The following XRRA1 variants were observed in gnomAD, a reference collection of about 807,000 sequenced individuals.
XRRA1 encodes the protein X-ray radiation resistance-associated protein 1.
XRRA1 carries 69 observed loss-of-function variants against 80.2 expected under a neutral mutation model. The observed-to-expected ratio is 0.86, with a 90% CI of 0.71 to 1.05. The LOEUF is 1.05. Ranked by LOEUF, XRRA1 falls within the 50% of genes least tolerant of loss-of-function variation. XRRA1 has a pLI of 0.00. For missense variants in XRRA1, 967 were observed against 976.4 expected, an observed-to-expected ratio of 0.99 and a Z score of 0.13; for synonymous variants, 348 against 389.9, an observed-to-expected ratio of 0.89 and a Z score of 1.27.
At chr11:74,902,409 T>C (rs1376175680) in intron 10 of XRRA1, among the ~76,000 whole-genome samples, 1 of 152,192 alleles carries the variant, frequency 6.6e-6, no homozygotes, top group East Asian at 1.9e-4. Flanking sequence ...GCAATCCCAA[T>C]GCTGAGTATA....
At chr11:74,892,191 C>T (rs1039836346) in intron 10 of XRRA1, among the ~76,000 whole-genome samples, 113 of 151,916 alleles carry the variant, frequency 7.4e-4, no homozygotes, top group East Asian at 6.4e-3. Flanking sequence ...AGCATGGTAC[C>T]GGTACCAAAA....
intron 7 of XRRA1, among the ~76,000 whole-genome samples, chr11:74,922,414 C>G (rs539767227): frequency 6.6e-6 from 1 of 152,068 alleles, no homozygotes; most frequent in Non-Finnish European, 1.5e-5. Flanking sequence ...GTCAGAAAAC[C>G]GTGTTTCTCT....
chr11:74,862,233 A>G (rs1215895700), intron 11 of XRRA1, among the ~76,000 whole-genome samples: 3 of 152,244 alleles, frequency 2.0e-5, no homozygotes, highest in Non-Finnish European at 4.4e-5. Flanking sequence ...ATGCAGCTGT[A>G]TAAGTGAGCC....
At chr11:74,930,488 G>A in intron 5 of XRRA1, 116 bp from the exon 6 acceptor site, 1 of 769,260 alleles carries the variant, frequency 1.3e-6, no homozygotes, top group East Asian at 2.7e-5. Flanking sequence ...AAGGAATAAG[G>A]GACATCCCTA....
chr11:74,872,522 C>T (rs536192846), intron 10 of XRRA1, among the ~76,000 whole-genome samples: 26 of 152,216 alleles, frequency 1.7e-4, no homozygotes, highest in African/African-American at 5.1e-4. Context: ...GTCCAGGATC[C>T]CCAAGGTGTA....
chr11:74,884,091 CA>C (rs1315296058), intron 10 of XRRA1, among the ~76,000 whole-genome samples: 2 of 151,990 alleles, frequency 1.3e-5, no homozygotes, highest in Non-Finnish European at 2.9e-5. Context: ...TCCAGCTACT[CA>C]GGGGGCTGAG....
chr11:74,883,517 C>T lies in XRRA1; in HGVS notation c.1004-20496G>A, dbSNP rs544297141. Among the ~76,000 whole-genome samples, 48 of 152,224 alleles carry T rather than the reference C, an allele frequency of 3.2e-4. No homozygotes were observed. The South Asian group carries it at 1.0e-2, about 32-fold the overall frequency. On this transcript the variant is annotated intron_variant, in intron 10 of 18. Coordinates refer to ENST00000684022, the MANE Select transcript of XRRA1 (RefSeq NM_001378157.1). Reference sequence around the variant, plus strand: ...GCTGTAGACCGGAGCTGTTCCTATTCGGCCATCTTGGCTCCCAGCGGGATT... The same window carrying T: ...GCTGTAGACCGGAGCTGTTCCTATTTGGCCATCTTGGCTCCCAGCGGGATT...
At chr11:74,889,467 T>G (rs372502025) in intron 10 of XRRA1, among the ~76,000 whole-genome samples, 9 of 152,126 alleles carry the variant, frequency 5.9e-5, no homozygotes, top group Non-Finnish European at 1.2e-4. Flanking sequence ...TTGTAAAGAC[T>G]ATCGAGGCTA....
intron 10 of XRRA1, among the ~76,000 whole-genome samples, chr11:74,895,177 G>C (rs1442255531): frequency 6.6e-6 from 1 of 152,250 alleles, no homozygotes; most frequent in Non-Finnish European, 1.5e-5. Context: ...AGGAGAGACA[G>C]TCTTAAATCA....
chr11:74,900,070 C>G (rs1440602643), intron 10 of XRRA1, among the ~76,000 whole-genome samples: 2 of 151,826 alleles, frequency 1.3e-5, no homozygotes, highest in African/African-American at 4.8e-5. Flanking sequence ...CAGGCTGAGG[C>G]AGGAGAATCT....
At chr11:74,869,786 G>A (rs1306797582) in intron 10 of XRRA1, among the ~76,000 whole-genome samples, 1 of 152,016 alleles carries the variant, frequency 6.6e-6, no homozygotes, top group Non-Finnish European at 1.5e-5. Flanking sequence ...TCCTCATCAG[G>A]CACCTATAAG....
At chr11:74,908,019 A>T (rs190596258) in intron 8 of XRRA1, among the ~76,000 whole-genome samples, 171 of 152,298 alleles carry the variant, frequency 1.1e-3, no homozygotes, top group African/African-American at 4.0e-3. Context: ...CCACACAGGC[A>T]GATGACACAA....
At chr11:74,843,744 G>C (rs150848959) in intron 18 of XRRA1, 110 bp downstream of exon 18, 31 of 990,488 alleles carry the variant, frequency 3.1e-5, no homozygotes, top group Admixed American at 4.4e-5. Context: ...GACTGATGTA[G>C]GCAGTTGCTC....
chr11:74,940,353 A>C (rs563143784), intron 3 of XRRA1, among the ~76,000 whole-genome samples: 1 of 152,346 alleles, frequency 6.6e-6, no homozygotes, highest in South Asian at 2.1e-4. Flanking sequence ...CCTGAGGACT[A>C]GGGTAGTCAG....
intron 3 of XRRA1, among the ~76,000 whole-genome samples, chr11:74,937,775 A>G (rs1298659311): frequency 6.6e-6 from 1 of 152,184 alleles, no homozygotes; most frequent in East Asian, 1.9e-4. Context: ...TATTCATTGC[A>G]ATCTGTAATT....
At chr11:74,925,740 C>T (rs1419873752) in intron 7 of XRRA1, among the ~76,000 whole-genome samples, 1 of 152,182 alleles carries the variant, frequency 6.6e-6, no homozygotes, top group African/African-American at 2.4e-5. Flanking sequence ...CCAAGCTAGT[C>T]AGTTGTGGGG....
rs115792274 is a variant in XRRA1, at chr11:74,941,472, C to A, written c.-4-590G>T. Among the ~76,000 whole-genome samples the A allele has an allele frequency of 9.1e-3, 1,380 of 152,212 alleles. 27 individuals carry two copies. The highest frequency in any genetic ancestry group is 0.031 in the African/African-American group (1,303 of 41,510). On this transcript the variant is annotated intron_variant, in intron 2 of 18. Transcript: ENST00000684022. ...CCAAACAGCAAGGGCCACAGGAGGG[C>A]AGCTGTGCACAGTAAAGAAACAATG...
At position 74,927,432 on chromosome 11, in the gene XRRA1, T is replaced by G. The variant is rs1942526736; in HGVS notation, c.481A>C (p.Lys161Gln). 1.9e-6 allele frequency: 3 copies of G among 1,613,724 alleles called. No homozygotes were observed. Among genetic ancestry groups the G allele is most frequent in the Non-Finnish European group, 2.5e-6 (3 of 1,179,640 alleles). The change falls in exon 7 of 19, where the codon AAA (lysine) becomes CAA (glutamine). Residue 161 changes from lysine (K) to glutamine (Q), a missense_variant. Transcript: ENST00000684022. ...KELDLAFNGI[K>Q]TIYVKYGDFK... ...TCTCCATATTTCACGTAGATAGTTT[T>G]GATGCCATTAAATGCGAGATCCAGT...
intron 8 of XRRA1, among the ~76,000 whole-genome samples, chr11:74,910,179 C>G (rs112692160): frequency 1.3e-5 from 2 of 152,120 alleles, no homozygotes; most frequent in East Asian, 3.9e-4. Flanking sequence ...AGATACAGAA[C>G]ACCAACTGTG....
Sources: allele counts gnomAD v4.1 joint callset (sites outside exome capture counted in the v4.1 genomes callset), GRCh38; gene constraint gnomAD v4.1.1; transcripts MANE v1.5; gene names NCBI Gene and HGNC (gene_info 2026-07-23, HGNC 2026-07-21).